RTN3: variants seen among roughly 807,000 people sequenced by gnomAD.
RTN3 encodes reticulon 3.
RTN3 carries 49 observed loss-of-function variants against 77.8 expected under a neutral mutation model. The ratio of observed to expected loss-of-function variants is 0.63; its 90% CI spans 0.50 to 0.80. The LOEUF is 0.80. RTN3 is among the 30% of genes least tolerant of loss of function. RTN3 has a pLI of 0.00. For synonymous variants in RTN3, 464 were observed against 446.9 expected (o/e 1.04, Z -0.48); for missense variants, 1,236 against 1,211.9 (o/e 1.02, Z -0.29).
At chr11:63,753,588 A>G (rs979420848) in intron 6 of RTN3, 74 bp from the exon 7 acceptor site, 11 of 1,345,132 alleles carry the variant, frequency 8.2e-6, no homozygotes, top group Non-Finnish European at 1.2e-5. Context: ...GGAAAAATGT[A>G]TATGTTACTC....
At chr11:63,757,722 C>CTTTTTT (rs71039672) in intron 8 of RTN3, among the ~76,000 whole-genome samples, 1 of 106,346 alleles carries the variant, frequency 9.4e-6, no homozygotes, top group Non-Finnish European at 2.0e-5. Context: ...TTCTTTTTTT[C>CTTTTTT]TTTTTTTTTT....
At chr11:63,708,080 T>C (rs1356696793) in intron 2 of RTN3, among the ~76,000 whole-genome samples, 2 of 152,046 alleles carry the variant, frequency 1.3e-5, no homozygotes, top group African/African-American at 4.8e-5. Context: ...TTAGTAAAAA[T>C]AAGGGAAGAG....
chr11:63,728,289 A>T (rs938808534), intron 3 of RTN3, among the ~76,000 whole-genome samples: 8 of 152,230 alleles, frequency 5.3e-5, no homozygotes, highest in Non-Finnish European at 7.3e-5. Flanking sequence ...GACTGAACTC[A>T]GCTACTCAGA....
rs184792366 is a variant in RTN3 at position 63,749,373 on chromosome 11, G to T, written c.2531-618G>T. Among the ~76,000 whole-genome samples, 463 of 152,192 alleles carry T rather than the reference G, an allele frequency of 3.0e-3. 2 individuals are homozygous for T. Among genetic ancestry groups the T allele is most frequent in the Non-Finnish European group, 3.2e-3 (215 of 68,016 alleles). ...TCTTTTCAGATTAACATTGAGACTG[G>T]TGTTTCTTTATAACTAGCACTAATA... On this transcript the variant is annotated intron_variant, in intron 3 of 8. Transcript: ENST00000377819.
chr11:63,751,989 C>G (rs1392313381), intron 4 of RTN3, among the ~76,000 whole-genome samples: 1 of 151,942 alleles, frequency 6.6e-6, no homozygotes, highest in Non-Finnish European at 1.5e-5. Context: ...AAAACACCAT[C>G]TCATAAAAAA....
intron 1 of RTN3, among the ~76,000 whole-genome samples, chr11:63,692,241 T>G (rs1171864127): frequency 6.6e-6 from 1 of 152,108 alleles, no homozygotes; most frequent in African/African-American, 2.4e-5. Flanking sequence ...CAGACTGGTT[T>G]TGAACTCCTG....
intron 2 of RTN3, among the ~76,000 whole-genome samples, chr11:63,707,640 C>T (rs1240763137): frequency 6.6e-6 from 1 of 152,056 alleles, no homozygotes; most frequent in African/African-American, 2.4e-5. Flanking sequence ...TCGAGACCAG[C>T]CTAGCCAACA....
At chr11:63,703,301 G>A (rs1942337756) in intron 1 of RTN3, among the ~76,000 whole-genome samples, 1 of 151,948 alleles carries the variant, frequency 6.6e-6, no homozygotes, top group Non-Finnish European at 1.5e-5. Flanking sequence ...GGGGGGTGGT[G>A]GTTTTAGAAC....
At chr11:63,733,894 AAG>A (rs1345966092) in intron 3 of RTN3, among the ~76,000 whole-genome samples, 1 of 151,932 alleles carries the variant, frequency 6.6e-6, no homozygotes, top group East Asian at 1.9e-4. Flanking sequence ...TTGCCTCAAA[AAG>A]AAAAAAAAAC....
At chr11:63,697,824 G>A (rs1942042966) in intron 1 of RTN3, among the ~76,000 whole-genome samples, 1 of 151,992 alleles carries the variant, frequency 6.6e-6, no homozygotes, top group Non-Finnish European at 1.5e-5. Flanking sequence ...TGTGGGCTTT[G>A]TTCCAGAAAA....
At chr11:63,717,251 G>A (rs1034108673) in intron 2 of RTN3, among the ~76,000 whole-genome samples, 1 of 152,042 alleles carries the variant, frequency 6.6e-6, no homozygotes, top group Admixed American at 6.6e-5. Flanking sequence ...AAATTTGTTA[G>A]AGTGGGAAGT....
chr11:63,735,414 A>G (rs2013021918), intron 3 of RTN3, among the ~76,000 whole-genome samples: 1 of 152,262 alleles, frequency 6.6e-6, no homozygotes, highest in South Asian at 2.1e-4. Context: ...CAAACACTGC[A>G]GAGAGAAGCT....
chr11:63,746,559 A>G (rs1302394863), intron 3 of RTN3, among the ~76,000 whole-genome samples: 1 of 151,820 alleles, frequency 6.6e-6, no homozygotes, highest in Non-Finnish European at 1.5e-5. Flanking sequence ...CTGTTGCCCA[A>G]GCTAGAGTGA....
At chr11:63,705,253 A>G (rs1942440780) in intron 2 of RTN3, among the ~76,000 whole-genome samples, 1 of 152,154 alleles carries the variant, frequency 6.6e-6, no homozygotes, top group Non-Finnish European at 1.5e-5. Context: ...TTTGGGAGGC[A>G]AAGGCGGGCA....
intron 3 of RTN3, among the ~76,000 whole-genome samples, chr11:63,728,263 C>T (rs1371134415): frequency 6.6e-6 from 1 of 152,210 alleles, no homozygotes; most frequent in Non-Finnish European, 1.5e-5. Flanking sequence ...TCTAGCACGG[C>T]ATGCAGTGCC....
At chr11:63,756,827 C>G (rs1010941052) in intron 8 of RTN3, among the ~76,000 whole-genome samples, 1 of 152,192 alleles carries the variant, frequency 6.6e-6, no homozygotes, top group Admixed American at 6.5e-5. Flanking sequence ...GCCGGTGGAT[C>G]ACGAGGTCAG....
At chr11:63,754,159 G>A (rs1388630326) in intron 7 of RTN3, among the ~76,000 whole-genome samples, 1 of 151,978 alleles carries the variant, frequency 6.6e-6, no homozygotes, top group African/African-American at 2.4e-5. Flanking sequence ...GCCTGCACCT[G>A]TAGTCTAAGA....
intron 3 of RTN3, among the ~76,000 whole-genome samples, chr11:63,728,135 A>T (rs2012412056): frequency 6.6e-6 from 1 of 152,220 alleles, no homozygotes; most frequent in South Asian, 2.1e-4. Flanking sequence ...GAGAGATCAG[A>T]TGCAAGCTTC....
intron 1 of RTN3, among the ~76,000 whole-genome samples, chr11:63,686,645 G>A (rs937008497): frequency 3.9e-5 from 6 of 151,992 alleles, no homozygotes; most frequent in African/African-American, 1.5e-4. Flanking sequence ...GACAATAGTG[G>A]TGAAACCCCA....
Sources: allele counts gnomAD v4.1 joint callset (sites outside exome capture counted in the v4.1 genomes callset), GRCh38; gene constraint gnomAD v4.1.1; transcripts MANE v1.5; gene names NCBI Gene and HGNC (gene_info 2026-07-23, HGNC 2026-07-21).